Variants in ATP8A2 observed in about 807,000 individuals in gnomAD.
ATP8A2 encodes phospholipid-transporting ATPase IB.
A neutral mutation model predicts 165.6 loss-of-function variants in ATP8A2; 100 were observed. The observed-to-expected ratio is 0.60, with a 90% CI of 0.51 to 0.71. The LOEUF (loss-of-function observed/expected upper bound fraction) is 0.71. Ranked by LOEUF, ATP8A2 falls within the 30% of genes least tolerant of loss-of-function variation. ATP8A2 has a pLI of 0.00. For missense variants in ATP8A2, 1,227 were observed against 1,479.5 expected (o/e 0.83, Z 2.80); for synonymous variants, 543 against 548.8 (o/e 0.99, Z 0.15).
At chr13:25,815,189 A>G (rs1319706753) in intron 27 of ATP8A2, among the ~76,000 whole-genome samples, 1 of 152,226 alleles carries the variant, frequency 6.6e-6, no homozygotes, top group Non-Finnish European at 1.5e-5. Context: ...ACACCAAAAA[A>G]TAGACAAATT....
In ATP8A2 at chr13:25,953,293, C is replaced by G. The variant is rs563603293; in HGVS notation, c.3184-8282C>G. Among the ~76,000 whole-genome samples, 1 of 152,026 alleles carries G rather than the reference C, an allele frequency of 6.6e-6. No homozygotes were observed. The highest frequency in any genetic ancestry group is 1.5e-5 in the Non-Finnish European group (1 of 67,994). ...GGACTCAACTCTCTGGCTGCAGGTG[C>G]TGTGGGGAAGGGGCAGACTTAAATT... On this transcript the variant is annotated intron_variant, in intron 33 of 36. Coordinates refer to ENST00000381655, the MANE Select transcript of ATP8A2 (RefSeq NM_016529.6). This position sits in a 1 kb window ranked among gnomAD's most constrained non-coding sequence, Gnocchi z 6.7.
chr13:25,473,194 A>G (rs1479348612), intron 2 of ATP8A2, among the ~76,000 whole-genome samples: 1 of 152,216 alleles, frequency 6.6e-6, no homozygotes, highest in Non-Finnish European at 1.5e-5. Context: ...TGCTATGTAT[A>G]TAGATGTCTC....
chr13:25,839,981 G>A (rs1425348867), intron 30 of ATP8A2, among the ~76,000 whole-genome samples: 3 of 152,094 alleles, frequency 2.0e-5, no homozygotes, highest in Non-Finnish European at 4.4e-5. Flanking sequence ...TAATTACTTT[G>A]ACTTTTATTT....
intron 24 of ATP8A2, among the ~76,000 whole-genome samples, chr13:25,617,806 C>T (rs762210125): frequency 6.6e-6 from 1 of 151,696 alleles, no homozygotes; most frequent in Admixed American, 6.6e-5. Context: ...TAACTTATAC[C>T]CTCTCCTCCT....
intron 35 of ATP8A2, among the ~76,000 whole-genome samples, chr13:26,010,594 A>G (rs1445016241): frequency 6.6e-6 from 1 of 152,204 alleles, no homozygotes; most frequent in African/African-American, 2.4e-5. Flanking sequence ...TATACCTGCC[A>G]CATTCTGAAA....
At chr13:25,699,416 G>A (rs2042905529) in intron 25 of ATP8A2, 71 bp downstream of exon 25, 4 of 1,168,612 alleles carry the variant, frequency 3.4e-6, no homozygotes, top group Non-Finnish European at 3.4e-6. Flanking sequence ...CAAAAGAAAG[G>A]GATGCATGGG....
intron 1 of ATP8A2, among the ~76,000 whole-genome samples, chr13:25,401,374 C>G (rs373938299): frequency 1.5e-4 from 23 of 152,146 alleles, no homozygotes; most frequent in East Asian, 9.6e-4. Flanking sequence ...TATACTGTAA[C>G]AAATGCTGAT....
rs1001451073 is a variant in ATP8A2, at chr13:25,898,423, T to A, written c.3183+36015T>A. 9.2e-5 allele frequency among the ~76,000 whole-genome samples: 14 copies of A among 152,316 alleles called. No homozygotes were observed. The Middle Eastern group carries it at 0.024, about 259-fold the overall frequency. ...GAGGAGTACCCAGCCGTGTGAGGTG[T>A]CAGTCCGCCCCTACTGGGGGGTGCC... is the stretch of plus-strand genomic sequence containing the variant. On this transcript the variant is annotated intron_variant, in intron 33 of 36. Transcript: ENST00000381655.
At chr13:25,392,650 G>T (rs1442811752) in intron 1 of ATP8A2, among the ~76,000 whole-genome samples, 1 of 152,044 alleles carries the variant, frequency 6.6e-6, no homozygotes, top group Non-Finnish European at 1.5e-5. Context: ...TTGTAATCCT[G>T]TTAAATTTCT....
At position 25,372,613 on chromosome 13, in the gene ATP8A2, C is replaced by G. The variant is rs971003452; in HGVS notation, c.76+325C>G. On this transcript the variant is annotated intron_variant, in intron 1 of 36. Coordinates refer to ENST00000381655, the MANE Select transcript of ATP8A2 (RefSeq NM_016529.6). This position sits in a 1 kb window ranked among gnomAD's most constrained non-coding sequence, Gnocchi z 4.8. The stretch of plus-strand genomic sequence containing the variant: ...CGTGCGCCCCTACGCGCGGATGCGG[C>G]TCAGGGATGCGACCTAGGCGGCAGT... Among the ~76,000 whole-genome samples the G allele has an allele frequency of 6.6e-6, 1 of 152,200 alleles. No individual in the cohort carries two copies. Among genetic ancestry groups the G allele is most frequent in the Non-Finnish European group, 1.5e-5 (1 of 68,030 alleles).
intron 22 of ATP8A2, among the ~76,000 whole-genome samples, chr13:25,580,358 C>G (rs779844468): frequency 2.5e-4 from 38 of 152,216 alleles, no homozygotes; most frequent in Non-Finnish European, 4.7e-4. Flanking sequence ...GCCGTTGCTA[C>G]TCCACATTGC....
chr13:25,847,709 T>C (rs1951899714), intron 30 of ATP8A2, among the ~76,000 whole-genome samples: 1 of 152,182 alleles, frequency 6.6e-6, no homozygotes, highest in South Asian at 2.1e-4. Flanking sequence ...AGTATGTTTT[T>C]CTTATTTTCC....
chr13:25,888,862 A>C (rs1218414644), intron 33 of ATP8A2, among the ~76,000 whole-genome samples: 4 of 152,236 alleles, frequency 2.6e-5, no homozygotes, highest in Non-Finnish European at 5.9e-5. Context: ...TCTTGTCTCA[A>C]GAAATAAAAC....
intron 1 of ATP8A2, among the ~76,000 whole-genome samples, chr13:25,404,944 A>G (rs114816830): frequency 6.6e-6 from 1 of 152,164 alleles, no homozygotes; most frequent in Non-Finnish European, 1.5e-5. Context: ...AGGGAGAAGC[A>G]GAGAGAGGAA....
chr13:25,865,558 G>T (rs1952484249), intron 33 of ATP8A2, among the ~76,000 whole-genome samples: 2 of 152,146 alleles, frequency 1.3e-5, no homozygotes, highest in South Asian at 4.1e-4. Context: ...ATTATATTTG[G>T]AGTTTTTCTC....
intron 24 of ATP8A2, among the ~76,000 whole-genome samples, chr13:25,602,182 A>G (rs1354454193): frequency 1.3e-5 from 2 of 152,212 alleles, no homozygotes; most frequent in Non-Finnish European, 2.9e-5. Context: ...GGCATGTCCA[A>G]TTAATAATTC....
intron 1 of ATP8A2, among the ~76,000 whole-genome samples, chr13:25,412,060 G>A (rs1447113626): frequency 6.6e-6 from 1 of 152,184 alleles, no homozygotes; most frequent in African/African-American, 2.4e-5. Context: ...ACAATAGTCT[G>A]GATGAAAATA....
intron 2 of ATP8A2, among the ~76,000 whole-genome samples, chr13:25,519,814 A>G (rs539313658): frequency 6.6e-6 from 1 of 152,228 alleles, no homozygotes; most frequent in African/African-American, 2.4e-5. Flanking sequence ...TGAATAAACT[A>G]TCCTGTTGGG....
intron 33 of ATP8A2, among the ~76,000 whole-genome samples, chr13:25,906,854 C>T (rs1325550820): frequency 6.6e-6 from 1 of 152,154 alleles, no homozygotes; most frequent in Non-Finnish European, 1.5e-5. Flanking sequence ...AGCATGGATC[C>T]TTAATAAGTA....
Sources: gnomAD v4.1 joint callset for allele counts (sites outside exome capture counted in the v4.1 genomes callset) on GRCh38, gnomAD v4.1.1 for gene constraint, Gnocchi (gnomAD v3.1) non-coding constraint, MANE v1.5 for transcripts, NCBI Gene and HGNC (gene_info 2026-07-23, HGNC 2026-07-21) for gene names.